Variants in UBE2U observed in about 807,000 individuals in gnomAD.
UBE2U encodes ubiquitin-conjugating enzyme E2 U.
A neutral mutation model predicts 41.2 loss-of-function variants in UBE2U; 39 were observed. The observed-to-expected ratio is 0.95, with a 90% confidence interval of 0.73 to 1.24. The LOEUF is 1.24. UBE2U is among the 50% of genes most tolerant of loss of function. The pLI is 0.00. For missense variants in UBE2U, 336 were observed against 363.1 expected (o/e 0.93, Z 0.61); for synonymous variants, 107 against 117.8 (o/e 0.91, Z 0.60).
intron 8 of UBE2U, among the ~76,000 whole-genome samples, chr1:64,250,950 T>A (rs1056095794): frequency 1.8e-4 from 27 of 149,736 alleles, no homozygotes; most frequent in African/African-American, 5.9e-4. Context: ...CATTAGGAGA[T>A]ACACCTAATG....
Position 64,235,989 on chromosome 1 carries a change from C to A in UBE2U, c.595+3340C>A, listed in dbSNP as rs1254209025. Among the ~76,000 whole-genome samples the A allele has an allele frequency of 3.3e-5, 5 of 152,162 alleles. No homozygotes were observed. In the East Asian group the frequency reaches 5.8e-4, roughly 18 times the overall value. On this transcript the variant is annotated intron_variant, in intron 7 of 9. Transcript: ENST00000371077. ...AAGCTAAGTAATTTACCTAAGGTTA[C>A]ACATGTGAGGGAGAATATCATATGT... is the stretch of plus-strand genomic sequence containing the variant.
intron 8 of UBE2U, among the ~76,000 whole-genome samples, chr1:64,252,582 A>G (rs1310181734): frequency 6.6e-6 from 1 of 152,130 alleles, no homozygotes; most frequent in Admixed American, 6.5e-5. Context: ...TGCAGCCCGC[A>G]CTGGTGATAC....
intron 7 of UBE2U, among the ~76,000 whole-genome samples, chr1:64,237,509 TTCTC>T (rs1381912119): frequency 3.3e-5 from 5 of 152,218 alleles, no homozygotes; most frequent in South Asian, 4.1e-4. Context: ...GGTTCCTTTC[TTCTC>T]TCTGTCTCTC....
chr1:64,260,050 A>C (rs1645157841), intron 8 of UBE2U, among the ~76,000 whole-genome samples: 1 of 152,102 alleles, frequency 6.6e-6, no homozygotes, highest in South Asian at 2.1e-4. Flanking sequence ...ACCCACACGG[A>C]AAAGGTCATG....
rs1557729429 is a variant in UBE2U at position 64,239,078 on chromosome 1, G to GA, written c.596-2573dup. Among the ~76,000 whole-genome samples the GA allele has an allele frequency of 1.0e-3, 64 of 61,520 alleles. 2 individuals are homozygous for GA. Among genetic ancestry groups the GA allele is most frequent in the Middle Eastern group, 6.7e-3 (1 of 150 alleles). The allele number at this position is 61,520 out of a possible 152,430, so 40.4% of individuals were successfully genotyped here. A position where few individuals can be genotyped will look rare whatever the true frequency, so the allele number is the denominator to read the frequency against. ...AGAAGAAGAAGAAGAGGAAGAGGAA[G>GA]AGGAAGAGGAAGAGGAAGAAGAAGA... is the stretch of plus-strand genomic sequence containing the variant. On this transcript the variant is annotated intron_variant, in intron 7 of 9. Transcript: ENST00000371077.
chr1:64,242,791 A>G (rs989222619), intron 8 of UBE2U, among the ~76,000 whole-genome samples: 2 of 152,170 alleles, frequency 1.3e-5, no homozygotes, highest in African/African-American at 4.8e-5. Context: ...AAAGTTTTTT[A>G]TCCAGCAAAA....
intron 7 of UBE2U, among the ~76,000 whole-genome samples, chr1:64,239,137 A>AGAG (rs1557730468): frequency 3.5e-5 from 1 of 28,450 alleles, no homozygotes; most frequent in African/African-American, 1.7e-4. Flanking sequence ...AAGAAGAAGA[A>AGAG]GAAGAAGAAG....
intron 9 of UBE2U, among the ~76,000 whole-genome samples, chr1:64,261,347 T>C (rs577342104): frequency 6.6e-6 from 1 of 152,284 alleles, no homozygotes; most frequent in South Asian, 2.1e-4. Context: ...TCCTAGTTGC[T>C]AAAAATCTGC....
chr1:64,239,171 A>AGAG lies in UBE2U; in HGVS notation c.596-2479_596-2478insGGA, dbSNP rs1644778684. On this transcript the variant is annotated intron_variant, in intron 7 of 9. Coordinates refer to ENST00000371077, the MANE Select transcript of UBE2U (RefSeq NM_001366232.2). ...AGAAGAAGAAGAAAGAAGAAGAAGA[A>AGAG]GAAGAAGAAGAAGAAGAAGAAAGCC... Among the ~76,000 whole-genome samples, 26 of 90,960 alleles carry AGAG rather than the reference A, an allele frequency of 2.9e-4. 1 individual carries two copies. Among genetic ancestry groups the AGAG allele is most frequent in the Non-Finnish European group, 3.8e-4 (18 of 47,106 alleles). The allele number at this position is 90,960 out of a possible 152,430, so 59.7% of individuals were successfully genotyped here. A position where few individuals can be genotyped will look rare whatever the true frequency, so the allele number is the denominator to read the frequency against.
At chr1:64,245,228 C>T (rs1644901158) in intron 8 of UBE2U, among the ~76,000 whole-genome samples, 1 of 152,038 alleles carries the variant, frequency 6.6e-6, no homozygotes, top group African/African-American at 2.4e-5. Context: ...CTTTTGTATT[C>T]ATGAAAGTGC....
rs1049571697 is a variant in UBE2U at position 64,261,886 on chromosome 1, C to T, written c.769+1192C>T. ...ACAAAGCTATGTCTCTATAGCTCAGCTCTGCTTATGTTTTTACCAGGTCTA... is the reference window on the plus strand; with the variant it reads ...ACAAAGCTATGTCTCTATAGCTCAGTTCTGCTTATGTTTTTACCAGGTCTA... On this transcript the variant is annotated intron_variant, in intron 9 of 9. Transcript: ENST00000371077. 3.3e-5 allele frequency among the ~76,000 whole-genome samples: 5 copies of T among 152,198 alleles called. 1 individual carries two copies. Among genetic ancestry groups the T allele is most frequent in the Non-Finnish European group, 7.3e-5 (5 of 68,038 alleles).
chr1:64,261,517 G>A (rs1049460370), intron 9 of UBE2U, among the ~76,000 whole-genome samples: 1 of 152,174 alleles, frequency 6.6e-6, no homozygotes. Flanking sequence ...CCTTCATTCA[G>A]TGATTCTCCA....
intron 8 of UBE2U, among the ~76,000 whole-genome samples, chr1:64,243,711 G>A (rs1557736276): frequency 6.6e-6 from 1 of 152,108 alleles, no homozygotes; most frequent in Non-Finnish European, 1.5e-5. Context: ...AAGCCACACT[G>A]AATTCTTTTT....
intron 9 of UBE2U, among the ~76,000 whole-genome samples, 197 bp from the exon 10 acceptor site, chr1:64,266,827 A>G (rs1433769167): frequency 6.6e-6 from 1 of 152,222 alleles, no homozygotes; most frequent in African/African-American, 2.4e-5. Flanking sequence ...GCATCAAAAG[A>G]TTGAGCAAAA....
chr1:64,253,825 A>G (rs1467665596), intron 8 of UBE2U, among the ~76,000 whole-genome samples: 2 of 152,208 alleles, frequency 1.3e-5, no homozygotes, highest in African/African-American at 4.8e-5. Flanking sequence ...AAGTACACAG[A>G]CCAGTGACAC....
chr1:64,256,024 T>C (rs1489987163), intron 8 of UBE2U, among the ~76,000 whole-genome samples: 1 of 151,972 alleles, frequency 6.6e-6, no homozygotes, highest in Non-Finnish European at 1.5e-5. Context: ...CATTCACAAT[T>C]GCTACAAAAA....
At chr1:64,217,584 A>G (rs1413509452) in intron 5 of UBE2U, among the ~76,000 whole-genome samples, 1 of 152,132 alleles carries the variant, frequency 6.6e-6, no homozygotes, top group Non-Finnish European at 1.5e-5. Flanking sequence ...GTTTTGTGTC[A>G]TTTTTAAAAC....
chr1:64,220,863 A>G lies in UBE2U; in HGVS notation c.462A>G (p.Lys154=), dbSNP rs758524495. 1 of 1,606,918 alleles carries G rather than the reference A, an allele frequency of 6.2e-7. No homozygotes were observed. Among genetic ancestry groups the G allele is most frequent in the Non-Finnish European group, 8.5e-7 (1 of 1,177,694 alleles). Residue 154 remains lysine (K), a synonymous_variant, in exon 6 of 10, where the codon AAA becomes AAG. Coordinates refer to ENST00000371077, the MANE Select transcript of UBE2U (RefSeq NM_001366232.2). ...TTTCATATTTTTTCTTTATAGTGAA[A>G]GATGACAGCCAGGAGTTACCTAAAG... is the stretch of plus-strand genomic sequence containing the variant. ...LRLFNRPLQM[K]DDSQELPKDP...
chr1:64,231,581 ATGTT>A (rs1644567142), intron 6 of UBE2U, among the ~76,000 whole-genome samples: 2 of 152,234 alleles, frequency 1.3e-5, no homozygotes, highest in African/African-American at 4.8e-5. Flanking sequence ...CTTTCGAAAA[ATGTT>A]AGTCTTAGGT....
Sources: gnomAD v4.1 joint callset for allele counts (sites outside exome capture counted in the v4.1 genomes callset) on GRCh38, gnomAD v4.1.1 for gene constraint, MANE v1.5 for transcripts, NCBI Gene and HGNC (gene_info 2026-07-23, HGNC 2026-07-21) for gene names.